The following ACAT1 variants were observed in gnomAD, a reference collection of about 807,000 sequenced individuals.
ACAT1 encodes acetyl-CoA acetyltransferase, mitochondrial.
Under a neutral mutation model 47.3 loss-of-function variants are expected in ACAT1, and 28 were observed. The observed-to-expected ratio is 0.59, with a 90% confidence interval of 0.44 to 0.81. The LOEUF is 0.81. ACAT1 is among the 30% of genes least tolerant of loss of function. The pLI is 0.00. For synonymous variants in ACAT1, 181 were observed against 173.6 expected, an observed-to-expected ratio of 1.04 and a Z score of -0.34; for missense variants, 469 against 524.3, an observed-to-expected ratio of 0.89 and a Z score of 1.03.
In ACAT1 at chr11:108,147,292, G is replaced by GGTC; in HGVS notation, c.1187_1189dup (p.Gly396_His397insArg). 6.2e-7 allele frequency: 1 copy of GGTC among 1,613,804 alleles called. No homozygotes were observed. The highest frequency in any genetic ancestry group is 1.1e-5 in the South Asian group (1 of 91,064). ...TAGGATGTCTGGAGCCAGGATTGTT[G>GGTC]GTCATTTGACTCATGCCTTGAAGCA... On this transcript the variant is annotated inframe_insertion, in exon 12 of 12. Coordinates refer to ENST00000265838, the MANE Select transcript of ACAT1 (RefSeq NM_000019.4).
intron 1 of ACAT1, among the ~76,000 whole-genome samples, chr11:108,124,407 G>C (rs927486351): frequency 2.6e-5 from 4 of 152,082 alleles, no homozygotes; most frequent in Non-Finnish European, 4.4e-5. Context: ...GGGATTACAG[G>C]CATGTGCCAC....
chr11:108,139,483 T>TCAGGAGGCTGAGG (rs2077541726), intron 6 of ACAT1, among the ~76,000 whole-genome samples: 1 of 151,670 alleles, frequency 6.6e-6, no homozygotes, highest in African/African-American at 2.4e-5. Context: ...TCCCAGCTAC[T>TCAGGAGGCTGAGG]CAGGAGGCTG....
At chr11:108,138,563 A>G (rs2077516499) in intron 5 of ACAT1, among the ~76,000 whole-genome samples, 1 of 151,604 alleles carries the variant, frequency 6.6e-6, no homozygotes, top group Admixed American at 6.6e-5. Flanking sequence ...CACCCAGCTA[A>G]TTTTTGTATT....
upstream of ACAT1, among the ~76,000 whole-genome samples, chr11:108,117,660 G>A (rs1280625616): frequency 2.6e-5 from 4 of 152,104 alleles, 1 homozygote; most frequent in Non-Finnish European, 2.9e-5. Flanking sequence ...ACTGTTTAAC[G>A]TAGTACAACG....
At chr11:108,146,110 C>T (rs1368637574) in intron 10 of ACAT1, 92 bp from the exon 11 acceptor site, 3 of 1,127,166 alleles carry the variant, frequency 2.7e-6, no homozygotes, top group African/African-American at 1.6e-5. Context: ...ATTTAAATAA[C>T]TTATGTCAAA....
At chr11:108,136,197 G>A (rs538272888) in intron 5 of ACAT1, 1 of 547,356 alleles carries the variant, frequency 1.8e-6, no homozygotes, top group African/African-American at 1.9e-5. Flanking sequence ...ATTTTTTTCA[G>A]TGTGTCTGAG....
intron 1 of ACAT1, among the ~76,000 whole-genome samples, chr11:108,127,498 G>A (rs2077273671): frequency 6.6e-6 from 1 of 151,978 alleles, no homozygotes; most frequent in African/African-American, 2.4e-5. Context: ...TCTATCTCCC[G>A]ACCTCGTGAT....
intron 5 of ACAT1, chr11:108,138,609 C>T (rs1048143557): frequency 7.8e-5 from 30 of 384,556 alleles, no homozygotes; most frequent in African/African-American, 2.3e-4. Context: ...GTTGGCCAGG[C>T]GGATCCAGAA....
At chr11:108,141,356 G>A (rs2077580617) in intron 7 of ACAT1, among the ~76,000 whole-genome samples, 1 of 110,718 alleles carries the variant, frequency 9.0e-6, no homozygotes, top group Non-Finnish European at 1.8e-5. Context: ...AGCAGGAGAG[G>A]GAAACCCTGC....
chr11:108,134,049 T>A, intron 3 of ACAT1, 112 bp downstream of exon 3: 1 of 1,180,980 alleles, frequency 8.5e-7, no homozygotes, highest in Admixed American at 1.8e-5. Context: ...AATGCCTACA[T>A]TTCTGCTTTC....
At chr11:108,137,417 G>A (rs970039538) in intron 5 of ACAT1, among the ~76,000 whole-genome samples, 3 of 152,140 alleles carry the variant, frequency 2.0e-5, no homozygotes, top group East Asian at 1.9e-4. Context: ...TCTAAGGTGC[G>A]AAATGATCAG....
chr11:108,134,125 C>G (rs2077414837), intron 3 of ACAT1, 96 bp from the exon 4 acceptor site: 1 of 1,270,210 alleles, frequency 7.9e-7, no homozygotes, highest in Middle Eastern at 1.9e-4. Context: ...AAAAAAGAAA[C>G]CATTCCTATT....
chr11:108,120,541 TAA>T (rs35081401), upstream of ACAT1, among the ~76,000 whole-genome samples: 38 of 149,024 alleles, frequency 2.5e-4, no homozygotes, highest in Non-Finnish European at 3.3e-4. Context: ...GACCCTATCT[TAA>T]AAAAAAAAAA....
At chr11:108,132,837 G>T (rs2077387732) in intron 2 of ACAT1, among the ~76,000 whole-genome samples, 1 of 83,092 alleles carries the variant, frequency 1.2e-5, no homozygotes, top group African/African-American at 4.8e-5. Flanking sequence ...CTGGGCAACA[G>T]AGCAAAACTC....
At chr11:108,125,872 G>T (rs1228144474) in intron 1 of ACAT1, among the ~76,000 whole-genome samples, 1 of 151,186 alleles carries the variant, frequency 6.6e-6, no homozygotes, top group Non-Finnish European at 1.5e-5. Flanking sequence ...CTTGCAGTGA[G>T]CCGAGATCGC....
intron 5 of ACAT1, chr11:108,136,010 A>G (rs991896402): frequency 1.8e-6 from 1 of 547,614 alleles, no homozygotes; most frequent in Middle Eastern, 2.8e-4. Flanking sequence ...GTAGTCATTA[A>G]GTTAAGTTCT....
Position 108,125,382 on chromosome 11 carries a change from T to C in ACAT1, c.72+3704T>C, listed in dbSNP as rs7932328. ...ATAATTTTGTCATTCGTTTCTGATA[T>C]TGAAGGAGCGCTAGGCACTGTGCTA... On this transcript the variant is annotated intron_variant, in intron 1 of 11. Transcript: ENST00000265838. Among the ~76,000 whole-genome samples, 892 of 152,308 alleles carry C rather than the reference T, an allele frequency of 5.9e-3. 9 individuals carry two copies. Among genetic ancestry groups the C allele is most frequent in the African/African-American group, 0.02 (835 of 41,578 alleles).
intron 8 of ACAT1, 132 bp downstream of exon 8, chr11:108,141,832 C>A: frequency 1.5e-6 from 1 of 681,668 alleles, no homozygotes; most frequent in Non-Finnish European, 2.6e-6. Flanking sequence ...GTATATCAGG[C>A]TCATGTAAAA....
intron 4 of ACAT1, 66 bp from the exon 5 acceptor site, chr11:108,135,076 G>A (rs1466547845): frequency 1.9e-6 from 2 of 1,048,782 alleles, no homozygotes; most frequent in African/African-American, 3.1e-5. Context: ...ATAGTAACAT[G>A]CTCTATTAAG....
Sources: gnomAD v4.1 joint callset for allele counts (sites outside exome capture counted in the v4.1 genomes callset) on GRCh38, gnomAD v4.1.1 for gene constraint, MANE v1.5 for transcripts, NCBI Gene and HGNC (gene_info 2026-07-23, HGNC 2026-07-21) for gene names.